Variants in FGD5 observed in about 807,000 individuals in gnomAD.
FGD5 encodes FYVE, RhoGEF and PH domain containing 5.
Under a neutral mutation model 133.4 loss-of-function variants are expected in FGD5, and 28 were observed. The ratio of observed to expected loss-of-function variants is 0.21; its 90% CI spans 0.16 to 0.29. The LOEUF (loss-of-function observed/expected upper bound fraction) is 0.29. Among genes scored for constraint, FGD5 ranks in the 10% least tolerant of loss-of-function variants. The pLI is 1.00. For missense variants in FGD5, 1,858 were observed against 1,895.2 expected (o/e 0.98, Z 0.36); for synonymous variants, 810 against 776.5 (o/e 1.04, Z -0.72).
rs1483855279 is a variant in FGD5 at position 14,923,272 on chromosome 3, G to A, written c.3937+97G>A. ...TGGTCCATGGTTCATGCCTGAAACC[G>A]CTTTCCCTGGAGGGAGTTATTCACT... On this transcript the variant is annotated intron_variant, in intron 16 of 19. Transcript: ENST00000285046. The A allele has an allele frequency of 1.1e-5, 16 of 1,470,648 alleles. No homozygotes were observed. In the African/African-American group the frequency reaches 1.1e-4, roughly 10 times the overall value. 91.1% of individuals were successfully genotyped at this position (1,470,648 alleles called of 1,614,324 possible).
In FGD5 at chr3:14,861,596, A is replaced by G. The variant is rs545585305; in HGVS notation, c.2526-2532A>G. Among the ~76,000 whole-genome samples, 6 of 152,286 alleles carry G rather than the reference A, an allele frequency of 3.9e-5. No individual in the cohort carries two copies. In the East Asian group the frequency reaches 1.2e-3, roughly 29 times the overall value. The stretch of plus-strand genomic sequence containing the variant: ...CAGATTTGCCGCGTGACCTCGAGCT[A>G]TCTCCTTCCCCTTTCCAGGGGTTTG... On this transcript the variant is annotated intron_variant, in intron 1 of 19. Transcript: ENST00000285046.
At chr3:14,908,867 G>C (rs915639778) in intron 10 of FGD5, among the ~76,000 whole-genome samples, 2 of 151,678 alleles carry the variant, frequency 1.3e-5, no homozygotes, top group Non-Finnish European at 2.9e-5. Context: ...GCGACAGTGC[G>C]AGACTCCCTC....
intron 9 of FGD5, among the ~76,000 whole-genome samples, chr3:14,904,830 G>GTTTTA (rs528951107): frequency 1.5e-3 from 228 of 152,134 alleles, no homozygotes; most frequent in Non-Finnish European, 2.8e-3. Flanking sequence ...CTAACCATGA[G>GTTTTA]TTTTATTTTA....
intron 9 of FGD5, 138 bp downstream of exon 9, chr3:14,901,199 G>A: frequency 1.1e-6 from 1 of 915,878 alleles, no homozygotes; most frequent in Non-Finnish European, 1.8e-6. Flanking sequence ...AGAGAGCCGT[G>A]GGTTCTGGCT....
At chr3:14,837,027 C>G (rs936707022) in intron 1 of FGD5, among the ~76,000 whole-genome samples, 2 of 152,124 alleles carry the variant, frequency 1.3e-5, no homozygotes, top group African/African-American at 2.4e-5. Context: ...AGACCAAGGA[C>G]ACACACACAG....
Position 14,864,196 on chromosome 3 carries a change from A to C in FGD5, c.2594A>C (p.Asp865Ala). 6.2e-7 allele frequency: 1 copy of C among 1,614,030 alleles called. No individual in the cohort carries two copies. Among genetic ancestry groups the C allele is most frequent in the Non-Finnish European group, 8.5e-7 (1 of 1,179,888 alleles). Reference protein sequence around the residue: ...SAAPKEDLTSDEEQRSSEEED... With the variant: ...SAAPKEDLTSAEEQRSSEEED... ...GCCCCCAAAGAGGACCTTACGTCGG[A>C]TGAAGAGCAGAGAAGCTCGGAGGAG... The change falls in exon 2 of 20, where the codon GAT becomes GCT. Residue 865 changes from aspartate (D) to alanine (A), a missense_variant. Asp to Ala is a moderately radical substitution (Grantham distance 126). Around this residue, in one of 3 missense-constraint regions of FGD5, gnomAD observed 1,824 missense variants for 1,848.9 expected, o/e 0.99. Transcript: ENST00000285046.
intron 1 of FGD5, among the ~76,000 whole-genome samples, chr3:14,825,931 T>C (rs944655739): frequency 1.3e-5 from 2 of 152,220 alleles, no homozygotes; most frequent in Admixed American, 6.5e-5. Context: ...GAAAGAAATA[T>C]CATTTATTAA....
chr3:14,822,734 A>G (rs563490921), intron 1 of FGD5, among the ~76,000 whole-genome samples: 1 of 152,324 alleles, frequency 6.6e-6, no homozygotes, highest in South Asian at 2.1e-4. Flanking sequence ...TTAACGAGAA[A>G]CAAAAGTGGT....
chr3:14,915,587 C>T (rs2038538079), intron 11 of FGD5, among the ~76,000 whole-genome samples: 1 of 152,172 alleles, frequency 6.6e-6, no homozygotes, highest in Non-Finnish European at 1.5e-5. Context: ...TTCATGTTGG[C>T]ACCATGTGTT....
intron 1 of FGD5, among the ~76,000 whole-genome samples, chr3:14,850,536 GAA>G (rs1374931866): frequency 2.0e-5 from 3 of 152,174 alleles, no homozygotes; most frequent in Non-Finnish European, 4.4e-5. Context: ...GTGATGGGAG[GAA>G]GTCACCTCCA....
intron 4 of FGD5, among the ~76,000 whole-genome samples, chr3:14,892,692 G>T (rs975529193): frequency 1.3e-5 from 2 of 152,164 alleles, no homozygotes; most frequent in African/African-American, 4.8e-5. Flanking sequence ...GGCAGCAGGT[G>T]CCTGTAATCT....
intron 17 of FGD5, among the ~76,000 whole-genome samples, chr3:14,924,823 C>T (rs972877200): frequency 2.6e-5 from 4 of 152,058 alleles, no homozygotes; most frequent in Non-Finnish European, 4.4e-5. Flanking sequence ...CACATACGGC[C>T]GGGCGCGGTG....
Position 14,819,451 on chromosome 3 carries a change from G to A in FGD5, c.380G>A (p.Gly127Asp), listed in dbSNP as rs2036436848. The A allele has an allele frequency of 6.4e-7, 1 of 1,550,692 alleles. No individual in the cohort carries two copies. The highest frequency in any genetic ancestry group is 8.7e-7 in the Non-Finnish European group (1 of 1,146,648). ...GEDSVAPAAP[G>D]AGALSREGEE... The stretch of plus-strand genomic sequence containing the variant: ...GATTCAGTGGCCCCTGCTGCTCCGG[G>A]TGCAGGAGCGCTGAGCAGGGAGGGT... The change falls in exon 1 of 20, where the codon GGT becomes GAT. Residue 127 changes from glycine to aspartate, a missense_variant. By Grantham distance (94) the Gly-to-Asp change is moderately conservative. Coordinates refer to ENST00000285046, the MANE Select transcript of FGD5 (RefSeq NM_152536.4). The surrounding 1 kb of genome is among the most constrained non-coding windows in gnomAD (Gnocchi z 4.1).
chr3:14,880,479 CA>C (rs2037803445), intron 2 of FGD5, 92 bp from the exon 3 acceptor site: 1 of 1,221,498 alleles, frequency 8.2e-7, no homozygotes, highest in African/African-American at 1.5e-5. Context: ...AAATGGTCTG[CA>C]AAATGCTTGG....
At chr3:14,901,840 T>C (rs942526521) in intron 9 of FGD5, among the ~76,000 whole-genome samples, 4 of 152,208 alleles carry the variant, frequency 2.6e-5, no homozygotes, top group Non-Finnish European at 4.4e-5. Flanking sequence ...TGTGCTGTGT[T>C]GGGGAGTGGA....
chr3:14,889,362 C>A (rs932094490), intron 4 of FGD5, among the ~76,000 whole-genome samples: 1 of 152,166 alleles, frequency 6.6e-6, no homozygotes, highest in Non-Finnish European at 1.5e-5. Flanking sequence ...GGTACTGTTA[C>A]GTGTCTGGCT....
intron 11 of FGD5, among the ~76,000 whole-genome samples, chr3:14,914,169 A>G (rs1179220738): frequency 1.3e-5 from 2 of 152,240 alleles, no homozygotes; most frequent in East Asian, 3.8e-4. Flanking sequence ...CAAGCCAGGG[A>G]GTGCCATGGT....
chr3:14,906,767 G>A (rs756526542), intron 9 of FGD5, among the ~76,000 whole-genome samples: 3 of 152,180 alleles, frequency 2.0e-5, no homozygotes, highest in African/African-American at 7.2e-5. Context: ...CCAAAGGTGC[G>A]GCAGTTCCTG....
Position 14,896,034 on chromosome 3 carries a change from A to G in FGD5, c.2749-1475A>G, listed in dbSNP as rs368607140. Among the ~76,000 whole-genome samples, 45 of 152,346 alleles carry G rather than the reference A, an allele frequency of 3.0e-4. No individual in the cohort carries two copies. In the South Asian group the frequency reaches 3.1e-3, roughly 11 times the overall value. On this transcript the variant is annotated intron_variant, in intron 4 of 19. Transcript: ENST00000285046. The stretch of plus-strand genomic sequence containing the variant: ...AATCAAGAAAGCAATCCCATTTATC[A>G]TAGCTACAAAGGATATAAAATACCT...
Sources: gnomAD v4.1 joint callset for allele counts (sites outside exome capture counted in the v4.1 genomes callset) on GRCh38, gnomAD v4.1.1 for gene constraint, gnomAD v4.1.1 regional missense constraint, Gnocchi (gnomAD v3.1) non-coding constraint, MANE v1.5 for transcripts, NCBI Gene and HGNC (gene_info 2026-07-23, HGNC 2026-07-21) for gene names.